Variants in PARD3B observed in about 807,000 individuals in gnomAD.
The protein encoded by PARD3B is partitioning defective 3 homolog B.
PARD3B carries 103 observed loss-of-function variants against 130.2 expected under a neutral mutation model. The observed-to-expected ratio is 0.79, with a 90% CI of 0.67 to 0.93. The LOEUF is 0.93. Ranked by LOEUF, PARD3B falls within the 40% of genes least tolerant of loss-of-function variation. The pLI, the probability that PARD3B is intolerant of heterozygous loss-of-function variation, is 0.00. For synonymous variants in PARD3B, 583 were observed against 553.2 expected (o/e 1.05, Z -0.76); for missense variants, 1,609 against 1,499.2 (o/e 1.07, Z -1.21).
At chr2:204,586,606 G>A (rs1021432579) in intron 1 of PARD3B, among the ~76,000 whole-genome samples, 4 of 152,220 alleles carry the variant, frequency 2.6e-5, no homozygotes, top group East Asian at 1.9e-4. Context: ...CTTAATCTGC[G>A]GTTAATGATA....
chr2:204,639,295 G>T (rs2034993009), intron 1 of PARD3B, among the ~76,000 whole-genome samples: 2 of 152,144 alleles, frequency 1.3e-5, no homozygotes, highest in African/African-American at 4.8e-5. Flanking sequence ...TTAAAGACCA[G>T]AATTTCTGGA....
At chr2:205,020,490 C>T (rs1303119223) in intron 3 of PARD3B, among the ~76,000 whole-genome samples, 1 of 152,048 alleles carries the variant, frequency 6.6e-6, no homozygotes, top group Non-Finnish European at 1.5e-5. Flanking sequence ...CATCTAAACT[C>T]TGCTTGGAAT....
chr2:204,716,709 G>T (rs541034087), intron 2 of PARD3B, among the ~76,000 whole-genome samples: 1 of 147,226 alleles, frequency 6.8e-6, no homozygotes, highest in Non-Finnish European at 1.5e-5. Context: ...TGCAAGTTCC[G>T]CCTCCTGGGT....
At chr2:204,771,966 A>G (rs1405961416) in intron 2 of PARD3B, among the ~76,000 whole-genome samples, 1 of 152,072 alleles carries the variant, frequency 6.6e-6, no homozygotes, top group Non-Finnish European at 1.5e-5. Flanking sequence ...ATTTGATTTT[A>G]TAAAGTAACT....
chr2:205,406,659 CTTT>C (rs777517284), intron 19 of PARD3B, among the ~76,000 whole-genome samples: 2 of 87,464 alleles, frequency 2.3e-5, no homozygotes, highest in Admixed American at 1.2e-4. Flanking sequence ...TCTTGTGTAT[CTTT>C]TTTTTTTTTT....
chr2:204,562,622 T>C (rs1443203412), intron 1 of PARD3B, among the ~76,000 whole-genome samples: 1 of 152,188 alleles, frequency 6.6e-6, no homozygotes, highest in Non-Finnish European at 1.5e-5. Context: ...GGTGATAGTA[T>C]TGGTAACTTT....
intron 18 of PARD3B, among the ~76,000 whole-genome samples, chr2:205,362,560 A>T (rs148204149): frequency 1.3e-5 from 2 of 152,264 alleles, no homozygotes; most frequent in African/African-American, 4.8e-5. Context: ...ATACCAACTG[A>T]ATTTGGAAAT....
At chr2:204,588,856 T>A (rs1367115818) in intron 1 of PARD3B, among the ~76,000 whole-genome samples, 1 of 152,120 alleles carries the variant, frequency 6.6e-6, no homozygotes, top group African/African-American at 2.4e-5. Context: ...TTTTGTAGAG[T>A]ACAGAGAGGG....
chr2:205,076,782 C>A (rs1161104641), intron 4 of PARD3B, among the ~76,000 whole-genome samples: 3 of 152,060 alleles, frequency 2.0e-5, no homozygotes, highest in Non-Finnish European at 4.4e-5. Flanking sequence ...CCCCATTTCC[C>A]CCACCCCCTT....
chr2:204,844,898 T>C (rs1223814451), intron 2 of PARD3B, among the ~76,000 whole-genome samples: 12 of 152,152 alleles, frequency 7.9e-5, no homozygotes. Context: ...ATTATCTGTT[T>C]ATATGTGATT....
At chr2:204,917,521 G>A (rs954140399) in intron 2 of PARD3B, among the ~76,000 whole-genome samples, 5 of 152,130 alleles carry the variant, frequency 3.3e-5, no homozygotes, top group African/African-American at 1.2e-4. Flanking sequence ...GAATTCTATG[G>A]GAGTTGCAGG....
chr2:205,497,391 G>A (rs887116211), intron 20 of PARD3B, among the ~76,000 whole-genome samples: 7 of 147,674 alleles, frequency 4.7e-5, no homozygotes, highest in Non-Finnish European at 8.9e-5. Flanking sequence ...TCTAGTTTGA[G>A]AAGAATGCTT....
chr2:204,657,809 T>G (rs879682319), intron 1 of PARD3B, among the ~76,000 whole-genome samples: 3 of 152,208 alleles, frequency 2.0e-5, no homozygotes, highest in Non-Finnish European at 4.4e-5. Flanking sequence ...TTACATTATT[T>G]TAATGATGTA....
rs6741201 is a variant in PARD3B at position 204,570,483 on chromosome 2, C to T, written c.120+24364C>T. ...CTGTCCATCTAGCTGGAATAGGGGG[C>T]TCAATTTCTGAGGACAGGTAGCTGA... On this transcript the variant is annotated intron_variant, in intron 1 of 22. Transcript: ENST00000406610. Among the ~76,000 whole-genome samples the T allele has an allele frequency of 9.0e-3, 1,366 of 152,248 alleles. 19 individuals carry two copies. Among genetic ancestry groups the T allele is most frequent in the African/African-American group, 0.032 (1,326 of 41,536 alleles).
At chr2:204,647,936 T>C (rs1195722182) in intron 1 of PARD3B, among the ~76,000 whole-genome samples, 1 of 151,594 alleles carries the variant, frequency 6.6e-6, no homozygotes, top group Non-Finnish European at 1.5e-5. Context: ...TTGCCTTATT[T>C]TGAGTATTAT....
At chr2:204,892,719 C>G (rs2046495427) in intron 2 of PARD3B, among the ~76,000 whole-genome samples, 1 of 152,014 alleles carries the variant, frequency 6.6e-6, no homozygotes, top group East Asian at 1.9e-4. Flanking sequence ...TGAAGGCAGC[C>G]TCAAAAAGAT....
chr2:204,611,288 A>G (rs2033912604), intron 1 of PARD3B, among the ~76,000 whole-genome samples: 1 of 152,186 alleles, frequency 6.6e-6, no homozygotes, highest in Admixed American at 6.5e-5. Context: ...TATGGTACTT[A>G]CTTAGAAACA....
chr2:204,723,040 T>G (rs1046196575), intron 2 of PARD3B, among the ~76,000 whole-genome samples: 14 of 152,206 alleles, frequency 9.2e-5, no homozygotes, highest in Non-Finnish European at 1.5e-4. Context: ...TGATATTCTA[T>G]GTATAGCCAT....
intron 3 of PARD3B, among the ~76,000 whole-genome samples, chr2:204,996,899 T>C (rs148768517): frequency 0.011 from 1,683 of 151,132 alleles, 33 homozygotes; most frequent in African/African-American, 0.039. Flanking sequence ...CCTGACCCCT[T>C]GCGCTTCCCA....
Sources: allele counts gnomAD v4.1 joint callset (sites outside exome capture counted in the v4.1 genomes callset), GRCh38; gene constraint gnomAD v4.1.1; transcripts MANE v1.5; gene names NCBI Gene and HGNC (gene_info 2026-07-23, HGNC 2026-07-21).